The following ADAM33 variants were observed in gnomAD, a reference collection of about 807,000 sequenced individuals.
The protein encoded by ADAM33 is disintegrin and metalloproteinase domain-containing protein 33.
In ADAM33, 103 loss-of-function variants were observed where a neutral mutation model predicts 106.2. The observed-to-expected ratio is 0.97, with a 90% CI of 0.83 to 1.14. The LOEUF is 1.14. Among genes scored for constraint, ADAM33 ranks in the 50% most tolerant of loss-of-function variants. The pLI, the probability that ADAM33 is intolerant of heterozygous loss-of-function variation, is 0.00. For missense variants in ADAM33, 1,120 were observed against 1,096.6 expected (o/e 1.02, Z -0.30); for synonymous variants, 483 against 453.0 (o/e 1.07, Z -0.84).
chr20:3,673,772 C>G lies in ADAM33; in HGVS notation c.878G>C (p.Arg293Pro). ...GAGCAGCTGCGCGGAGTCGTGGGGC[C>G]GCTGCGCCCACAGCCCCCGGCGCCA... ...LQWRRGLWAQ[R>P]PHDSAQLLTG... The change falls in exon 9 of 22, where the codon CGG (arginine) becomes CCG (proline). Residue 293 changes from arginine (R) to proline (P), a missense_variant. Arg to Pro is a moderately radical substitution (Grantham distance 103, BLOSUM62 -2). Transcript: ENST00000356518. 1 of 1,528,358 alleles carries G rather than the reference C, an allele frequency of 6.5e-7. No individual in the cohort carries two copies. Among genetic ancestry groups the G allele is most frequent in the Non-Finnish European group, 8.8e-7 (1 of 1,142,846 alleles). The allele number at this position is 1,528,358 out of a possible 1,614,324, so 94.7% of individuals were successfully genotyped here.
chr20:3,670,979 C>T, intron 19 of ADAM33, 27 bp downstream of exon 19: 1 of 1,530,080 alleles, frequency 6.5e-7, no homozygotes, highest in South Asian at 1.2e-5. Context: ...CAGGAGTAGG[C>T]TCAGGAAGCA....
rs1043243876 is a variant in ADAM33, at chr20:3,668,454, G to A, written c.*509C>T. 7 of 173,328 alleles carry A rather than the reference G, an allele frequency of 4.0e-5. No homozygotes were observed. The highest frequency in any genetic ancestry group is 2.2e-4 in the Admixed American group (4 of 17,996). The allele number at this position is 173,328 out of a possible 1,614,324, so 10.7% of individuals were successfully genotyped here. On this transcript the variant is annotated 3_prime_UTR_variant, in exon 22 of 22. Transcript: ENST00000356518. ...AACCACCTAGGGGAGAAGACAGGGT[G>A]GGAAGAAACAGGAAGGAAGGTCCCC...
chr20:3,681,394 G>C (rs1487241545), intron 1 of ADAM33, among the ~76,000 whole-genome samples: 1 of 152,214 alleles, frequency 6.6e-6, no homozygotes, highest in Non-Finnish European at 1.5e-5. Context: ...CCTGGGAGGA[G>C]GGACGAGGGG....
At position 3,677,447 on chromosome 20, in the gene ADAM33, C is replaced by T. The variant is rs41418446; in HGVS notation, c.178-304G>A. On this transcript the variant is annotated intron_variant, in intron 2 of 21. Transcript: ENST00000356518. ...TCCCAGAAAGGTGCCCCTCCCCTGGCCCGCCCTCTTCTTTCATGCCCAGAA... is the reference window on the plus strand; with the variant it reads ...TCCCAGAAAGGTGCCCCTCCCCTGGTCCGCCCTCTTCTTTCATGCCCAGAA... Among the ~76,000 whole-genome samples the T allele has an allele frequency of 0.015, 2,304 of 152,286 alleles. 151 individuals carry two copies. The East Asian group carries it at 0.18, about 12-fold the overall frequency.
At chr20:3,673,537 C>T in intron 10 of ADAM33, 37 bp downstream of exon 10, 2 of 1,433,792 alleles carry the variant, frequency 1.4e-6, no homozygotes, top group South Asian at 3.0e-5. Context: ...GCCGTAGAGC[C>T]TCCTGTCTCT....
Position 3,677,094 on chromosome 20 carries a change from T to C in ADAM33, c.227A>G (p.Glu76Gly). The change falls in exon 3 of 22, where the codon GAG (glutamate) becomes GGG (glycine). Residue 76 changes from glutamate (E) to glycine (G), a missense_variant. Coordinates refer to ENST00000356518, the MANE Select transcript of ADAM33 (RefSeq NM_025220.5). ...GLVALEAEGQ[E>G]LLLELEKNHR... ...GTTCTTCTCCAGCTCAAGCAGGAGC[T>C]CCTGGCCTTCAGCCTCCAGGGCCAC... is the stretch of plus-strand genomic sequence containing the variant. 6.2e-7 allele frequency: 1 copy of C among 1,612,770 alleles called. No individual in the cohort carries two copies. Among genetic ancestry groups the C allele is most frequent in the Non-Finnish European group, 8.5e-7 (1 of 1,179,626 alleles).
rs749958462 is a variant in ADAM33, at chr20:3,671,733, G to A, written c.1753C>T (p.Leu585=). 6.3e-6 allele frequency: 10 copies of A among 1,583,040 alleles called. No individual in the cohort carries two copies. Among genetic ancestry groups the A allele is most frequent in the Non-Finnish European group, 8.6e-6 (10 of 1,164,242 alleles). Residue 585 remains leucine, a synonymous_variant, in exon 16 of 22, where the codon CTG becomes TTG. Coordinates refer to ENST00000356518, the MANE Select transcript of ADAM33 (RefSeq NM_025220.5). ...KLQCQGGKPS[L]LAPHMVPVDS... ...ACTGGCACCATGTGCGGTGCGAGCA[G>A]GCTGGGCTTTCCACCCTGGCACTGC...
chr20:3,673,526 G>C (rs745338908), intron 10 of ADAM33, 30 bp from the exon 11 acceptor site: 1 of 1,457,974 alleles, frequency 6.9e-7, no homozygotes, highest in African/African-American at 1.5e-5. Flanking sequence ...CGGTCACTGC[G>C]GCCGTAGAGC....
Position 3,673,762 on chromosome 20 carries a change from G to A in ADAM33, c.888C>T (p.Asp296=), listed in dbSNP as rs1276471229. The change falls in exon 9 of 22, where the codon GAC becomes GAT. Residue 296 remains aspartate (D), a synonymous_variant. Transcript: ENST00000356518. ...RRGLWAQRPH[D]SAQLLTGRAF... Reference sequence around the variant, plus strand: ...GCACCCACGTGAGCAGCTGCGCGGAGTCGTGGGGCCGCTGCGCCCACAGCC... The same window carrying A: ...GCACCCACGTGAGCAGCTGCGCGGAATCGTGGGGCCGCTGCGCCCACAGCC... The A allele has an allele frequency of 1.3e-6, 2 of 1,524,904 alleles. No individual in the cohort carries two copies. The highest frequency in any genetic ancestry group is 2.5e-5 in the East Asian group (1 of 40,584). 94.5% of individuals were successfully genotyped at this position (1,524,904 alleles called of 1,614,324 possible). A position where few individuals can be genotyped will look rare whatever the true frequency, so the allele number is the denominator to read the frequency against.
Position 3,671,795 on chromosome 20 carries a change from A to AG in ADAM33, c.1707-17dup, listed in dbSNP as rs774282043. 4.5e-6 allele frequency: 7 copies of AG among 1,554,752 alleles called. No homozygotes were observed. The highest frequency in any genetic ancestry group is 3.6e-5 in the South Asian group (3 of 84,378). ...CAGGGCATCCCTGGGGAGGAAGTAG[A>AG]GGGGGGTCAACAGCTGCAGTACCCC... On this transcript the variant is annotated splice_polypyrimidine_tract_variant and intron_variant, in intron 15 of 21. Transcript: ENST00000356518.
intron 19 of ADAM33, chr20:3,670,041 C>T: frequency 2.7e-6 from 1 of 376,812 alleles, no homozygotes; most frequent in Non-Finnish European, 5.0e-6. Flanking sequence ...CTGTCCCCAT[C>T]CCATCCCCCA....
chr20:3,669,206 G>A, intron 21 of ADAM33, 93 bp downstream of exon 21: 1 of 1,099,328 alleles, frequency 9.1e-7, no homozygotes, highest in Non-Finnish European at 1.2e-6. Context: ...CCTGAGCCCA[G>A]AAACCTGATT....
rs1160408742 is a variant in ADAM33 at position 3,679,504 on chromosome 20, G to C, written c.165C>G (p.Ser55Arg). The stretch of plus-strand genomic sequence containing the variant: ...ACATGGCACTGACCGGCTCCTCCAG[G>C]CTGACGGTGCGCCAGGGTTGTCCAT... ...VLDGQPWRTV[S>R]LEEPVSKPDM... The change falls in exon 2 of 22, where the codon AGC (serine) becomes AGG (arginine). Residue 55 changes from serine to arginine, a missense_variant. Coordinates refer to ENST00000356518, the MANE Select transcript of ADAM33 (RefSeq NM_025220.5). 1 of 1,608,790 alleles carries C rather than the reference G, an allele frequency of 6.2e-7. No homozygotes were observed. Among genetic ancestry groups the C allele is most frequent in the Non-Finnish European group, 8.5e-7 (1 of 1,177,738 alleles).
rs1471965150 is a variant in ADAM33, at chr20:3,671,312, G to C, written c.2017C>G (p.Pro673Ala). Residue 673 changes from proline to alanine, a missense_variant, in exon 18 of 22, where the codon CCA becomes GCA. By Grantham distance (27) the Pro-to-Ala change is conservative. Coordinates refer to ENST00000356518, the MANE Select transcript of ADAM33 (RefSeq NM_025220.5). ...TCACAGAAGGGTGGAGCCCAGCCTGGAGCACAGTGGCAGTTATGGTTGCTA... is the reference window on the plus strand; with the variant it reads ...TCACAGAAGGGTGGAGCCCAGCCTGCAGCACAGTGGCAGTTATGGTTGCTA... Reference protein sequence around the residue: ...CNSNHNCHCAPGWAPPFCDKP... With the variant: ...CNSNHNCHCAAGWAPPFCDKP... The C allele has an allele frequency of 6.2e-7, 1 of 1,613,912 alleles. No individual in the cohort carries two copies. Among genetic ancestry groups the C allele is most frequent in the Non-Finnish European group, 8.5e-7 (1 of 1,180,000 alleles).
intron 21 of ADAM33, 124 bp from the exon 22 acceptor site, chr20:3,669,124 C>A: frequency 4.6e-6 from 6 of 1,303,130 alleles, no homozygotes; most frequent in Non-Finnish European, 6.7e-6. Flanking sequence ...GCTTCTCCCT[C>A]CCCAGCCCAG....
chr20:3,671,869 C>T lies in ADAM33; in HGVS notation c.1706+8G>A, dbSNP rs368612016. 12 of 1,551,948 alleles carry T rather than the reference C, an allele frequency of 7.7e-6. No individual in the cohort carries two copies. Among genetic ancestry groups the T allele is most frequent in the Non-Finnish European group, 1.0e-5 (12 of 1,147,226 alleles). Reference sequence around the variant, plus strand: ...CTTCTGCTCCCTCCACTCAGCTCCACTCCCTACCTCCCTGCACAGGGCAGG... The same window carrying T: ...CTTCTGCTCCCTCCACTCAGCTCCATTCCCTACCTCCCTGCACAGGGCAGG... On this transcript the variant is annotated splice_region_variant and intron_variant, in intron 15 of 21. Coordinates refer to ENST00000356518, the MANE Select transcript of ADAM33 (RefSeq NM_025220.5).
At position 3,672,246 on chromosome 20, in the gene ADAM33, A is replaced by G. The variant is rs578045242; in HGVS notation, c.1485T>C (p.Cys495=). Residue 495 remains cysteine (C), a synonymous_variant, in exon 14 of 22, where the codon TGT becomes TGC. Transcript: ENST00000356518. ...CGTCCAGTAGGTAAACGTCTGGGGG[A>G]CAGTGGGAGGAGGTGCCCGTGCAAA... is the stretch of plus-strand genomic sequence containing the variant. ...PEFCTGTSSH[C]PPDVYLLDGS... 1.7e-5 allele frequency: 27 copies of G among 1,613,338 alleles called. No individual in the cohort carries two copies. The South Asian group carries it at 2.7e-4, about 16-fold the overall frequency.
Position 3,671,137 on chromosome 20 carries a change from C to A in ADAM33, c.2109G>T (p.Leu703=). ...GCAGGACGCTGAGGAGCATGGCCAG[C>A]AGGAAGGTGTCATGGTCTGCGGGGA... is the stretch of plus-strand genomic sequence containing the variant. ...PVQAENHDTF[L]LAMLLSVLLP... Residue 703 remains leucine, a synonymous_variant, in exon 19 of 22, where the codon CTG becomes CTT. Coordinates refer to ENST00000356518, the MANE Select transcript of ADAM33 (RefSeq NM_025220.5). 6.2e-7 allele frequency: 1 copy of A among 1,611,956 alleles called. No homozygotes were observed. The highest frequency in any genetic ancestry group is 8.5e-7 in the Non-Finnish European group (1 of 1,179,192).
At chr20:3,673,325 G>C (rs776291762) in intron 11 of ADAM33, 29 bp downstream of exon 11, 3 of 1,536,224 alleles carry the variant, frequency 2.0e-6, no homozygotes, top group Admixed American at 1.9e-5. Context: ...TAGCCGCCCC[G>C]CCGCAGCCCC....
Sources: allele counts gnomAD v4.1 joint callset (sites outside exome capture counted in the v4.1 genomes callset), GRCh38; gene constraint gnomAD v4.1.1; transcripts MANE v1.5; gene names NCBI Gene and HGNC (gene_info 2026-07-23, HGNC 2026-07-21).